Variants in LRRC9 observed in about 807,000 individuals in gnomAD.
LRRC9 encodes the protein leucine rich repeat containing 9, also known as leucine-rich repeat-containing protein 9.
LRRC9 carries 122 observed loss-of-function variants against 63.2 expected under a neutral mutation model. The observed-to-expected ratio is 1.93, with a 90% CI of 1.67 to 2.24. LRRC9 has a LOEUF of 2.24. LRRC9 is among the 30% of genes most tolerant of loss of function. The pLI is 0.00. For missense variants in LRRC9, 1,071 were observed against 627.7 expected, an observed-to-expected ratio of 1.71 and a Z score of -7.55; for synonymous variants, 366 against 213.1, an observed-to-expected ratio of 1.72 and a Z score of -6.25.
At chr14:60,011,722 T>C (rs1890274401) in intron 23 of LRRC9, among the ~76,000 whole-genome samples, 1 of 152,134 alleles carries the variant, frequency 6.6e-6, no homozygotes, top group Non-Finnish European at 1.5e-5. Flanking sequence ...TGGGAATGCA[T>C]TGGATTTGAA....
At chr14:60,048,274 G>T (rs904702054) in intron 29 of LRRC9, among the ~76,000 whole-genome samples, 12 of 151,816 alleles carry the variant, frequency 7.9e-5, no homozygotes, top group African/African-American at 2.9e-4. Flanking sequence ...CAGAAGACAA[G>T]AAATAACTGA....
intron 27 of LRRC9, among the ~76,000 whole-genome samples, chr14:60,025,121 CT>C (rs1217838142): frequency 1.3e-5 from 2 of 150,562 alleles, no homozygotes; most frequent in Non-Finnish European, 3.0e-5. Flanking sequence ...GAAAGGGTCT[CT>C]CTGTATCACC....
chr14:59,993,544 C>T (rs1888404177), intron 17 of LRRC9, among the ~76,000 whole-genome samples: 3 of 152,206 alleles, frequency 2.0e-5, no homozygotes, highest in African/African-American at 7.2e-5. Flanking sequence ...CAAGACCCAT[C>T]AGTGTGCTGT....
intron 8 of LRRC9, among the ~76,000 whole-genome samples, chr14:59,951,969 C>T (rs1345487509): frequency 6.6e-6 from 1 of 151,684 alleles, no homozygotes; most frequent in Non-Finnish European, 1.5e-5. Flanking sequence ...CTGTGCCCTG[C>T]CCCCAGAGGT....
At position 59,930,996 on chromosome 14, in the gene LRRC9, T is replaced by G. The variant is rs1256271657; in HGVS notation, c.346T>G (p.Leu116Val). Reference sequence around the variant, plus strand: ...TAATAAAATTTCCAAAATAGAAAATTTAGAGAAATTAATCAAATTGAAGGT... The same window carrying G: ...TAATAAAATTTCCAAAATAGAAAATGTAGAGAAATTAATCAAATTGAAGGT... Residue 116 changes from leucine (L) to valine (V), a missense_variant, in exon 4 of 32, where the codon TTA becomes GTA. Transcript: ENST00000445360. This position sits in a 1 kb window ranked among gnomAD's most constrained non-coding sequence, Gnocchi z 4.9. 2.2e-6 allele frequency: 1 copy of G among 448,230 alleles called. No individual in the cohort carries two copies. The highest frequency in any genetic ancestry group is 2.0e-5 in the African/African-American group (1 of 49,392). The allele number at this position is 448,230 out of a possible 1,614,324, so 27.8% of individuals were successfully genotyped here.
intron 29 of LRRC9, among the ~76,000 whole-genome samples, chr14:60,040,626 A>G (rs548270175): frequency 1.3e-5 from 2 of 151,892 alleles, no homozygotes; most frequent in South Asian, 4.2e-4. Flanking sequence ...ATCTTCCTCC[A>G]TCCCTTTATT....
rs574076688 is a variant in LRRC9 at position 59,930,482 on chromosome 14, A to G, written c.268-436A>G. ...TATAAACTTGAAATATTTCATAATT[A>G]TTAAATATAATTTGAAGGATTATGA... On this transcript the variant is annotated intron_variant, in intron 3 of 31. Transcript: ENST00000445360. This position sits in a 1 kb window ranked among gnomAD's most constrained non-coding sequence, Gnocchi z 4.9. Among the ~76,000 whole-genome samples the G allele has an allele frequency of 6.6e-6, 1 of 152,008 alleles. No homozygotes were observed. Among genetic ancestry groups the G allele is most frequent in the Non-Finnish European group, 1.5e-5 (1 of 67,940 alleles).
At position 60,017,908 on chromosome 14, in the gene LRRC9, AC is replaced by A. The variant is rs1301773057; in HGVS notation, c.3318-461del. Among the ~76,000 whole-genome samples the A allele has an allele frequency of 1.3e-5, 2 of 151,998 alleles. No homozygotes were observed. Among genetic ancestry groups the A allele is most frequent in the Admixed American group, 1.3e-4 (2 of 15,236 alleles). ...TACCACAGAAACTCTATTTTCAAAGACCTTACCTGCTTTTCCTTTCCTTTCC... is the reference window on the plus strand; with the variant it reads ...TACCACAGAAACTCTATTTTCAAAGACTTACCTGCTTTTCCTTTCCTTTCC... On this transcript the variant is annotated intron_variant, in intron 24 of 31. Coordinates refer to ENST00000445360, the Ensembl canonical transcript of LRRC9. This position sits in a 1 kb window ranked among gnomAD's most constrained non-coding sequence, Gnocchi z 4.0.
intron 17 of LRRC9, among the ~76,000 whole-genome samples, chr14:59,989,604 C>G (rs1025939529): frequency 6.6e-6 from 1 of 152,078 alleles, no homozygotes; most frequent in South Asian, 2.1e-4. Context: ...TGTTTTAAAA[C>G]GGTAGGTTAA....
intron 12 of LRRC9, among the ~76,000 whole-genome samples, chr14:59,972,503 C>T (rs1244424130): frequency 2.6e-5 from 4 of 152,052 alleles, no homozygotes; most frequent in African/African-American, 9.7e-5. Context: ...GTTGAGCATG[C>T]ACTTAAAGAT....
rs1453951306 is a variant in LRRC9, at chr14:59,942,010, C to G, written c.727-2579C>G. Among the ~76,000 whole-genome samples, 2 of 152,168 alleles carry G rather than the reference C, an allele frequency of 1.3e-5. No individual in the cohort carries two copies. Among genetic ancestry groups the G allele is most frequent in the African/African-American group, 4.8e-5 (2 of 41,464 alleles). ...ATAGCTACAATTCTACTCTGTACTTCCATGAGCTCAAAAAATGTTTTTAGT... is the reference window on the plus strand; with the variant it reads ...ATAGCTACAATTCTACTCTGTACTTGCATGAGCTCAAAAAATGTTTTTAGT... On this transcript the variant is annotated intron_variant, in intron 7 of 31. Coordinates refer to ENST00000445360, the Ensembl canonical transcript of LRRC9. The surrounding 1 kb of genome is among the most constrained non-coding windows in gnomAD (Gnocchi z 5.3).
intron 17 of LRRC9, among the ~76,000 whole-genome samples, chr14:59,995,244 G>A (rs1437468686): frequency 2.0e-5 from 3 of 152,170 alleles, no homozygotes; most frequent in Admixed American, 2.0e-4. Context: ...TCACTATCAG[G>A]AAAAGAGAAT....
At chr14:59,937,738 G>T (rs1881191809) in intron 6 of LRRC9, among the ~76,000 whole-genome samples, 1 of 152,044 alleles carries the variant, frequency 6.6e-6, no homozygotes, top group Non-Finnish European at 1.5e-5. Flanking sequence ...TAAACATCAG[G>T]ATAAAATATG....
chr14:60,028,873 T>C (rs559806256), intron 28 of LRRC9, among the ~76,000 whole-genome samples: 34 of 152,256 alleles, frequency 2.2e-4, no homozygotes, highest in African/African-American at 7.2e-4. Flanking sequence ...CGGTACATAA[T>C]AGGTACTCCA....
chr14:59,984,188 G>T (rs1344736744), intron 16 of LRRC9, among the ~76,000 whole-genome samples: 3 of 152,210 alleles, frequency 2.0e-5, no homozygotes, highest in Admixed American at 2.0e-4. Flanking sequence ...ATATATCATG[G>T]ATGATACCCA....
At chr14:59,948,055 G>A (rs1426487760) in intron 8 of LRRC9, among the ~76,000 whole-genome samples, 1 of 136,698 alleles carries the variant, frequency 7.3e-6, no homozygotes, top group Admixed American at 7.4e-5. Flanking sequence ...AAAGTCATTG[G>A]TAGCTTGATG....
intron 6 of LRRC9, among the ~76,000 whole-genome samples, chr14:59,935,475 G>A (rs1890068177): frequency 6.6e-6 from 1 of 152,108 alleles, no homozygotes; most frequent in Admixed American, 6.6e-5. Context: ...TGTGTACCAA[G>A]TCCTTTAAAA....
chr14:59,967,164 A>G (rs1218250007), exon 12 of LRRC9: 12 of 645,206 alleles, frequency 1.9e-5, no homozygotes, highest in Non-Finnish European at 2.3e-5. Context: ...AAGAAAAAGC[A>G]TCTTCTACAA....
intron 22 of LRRC9, among the ~76,000 whole-genome samples, chr14:60,007,256 C>T (rs556351182): frequency 6.6e-5 from 10 of 152,260 alleles, no homozygotes; most frequent in African/African-American, 2.4e-4. Flanking sequence ...TCCGTTCCCC[C>T]AGTATAATTA....
Sources: allele counts gnomAD v4.1 joint callset (sites outside exome capture counted in the v4.1 genomes callset), GRCh38; gene constraint gnomAD v4.1.1; non-coding constraint Gnocchi (gnomAD v3.1); transcripts MANE v1.5; gene names NCBI Gene and HGNC (gene_info 2026-07-23, HGNC 2026-07-21).